PAX9: variants seen among roughly 807,000 people sequenced by gnomAD.
The protein encoded by PAX9 is paired box protein Pax-9.
In PAX9, 6 loss-of-function variants were observed where a neutral mutation model predicts 29.1. That is an observed-to-expected ratio of 0.21 (90% CI 0.11 to 0.41). PAX9 has a LOEUF of 0.41. PAX9 is among the 10% of genes least tolerant of loss of function. PAX9 has a pLI of 1.00. For missense variants in PAX9, 443 were observed against 479.1 expected, an observed-to-expected ratio of 0.92 and a Z score of 0.70; for synonymous variants, 217 against 211.7, an observed-to-expected ratio of 1.03 and a Z score of -0.22.
chr14:36,671,022 A>G lies in PAX9; in HGVS notation c.771+4421A>G. ...AATGACAGAAAAATGAGTTCACCAA[A>G]AAAGAGAAAATCTTGTTTATTTTCA... On this transcript the variant is annotated intron_variant, in intron 3 of 3. Transcript: ENST00000361487. 9.3e-6 allele frequency: 4 copies of G among 428,690 alleles called. 2 individuals are homozygous for G. The highest frequency in any genetic ancestry group is 6.8e-5 in the South Asian group (4 of 58,680). The allele number at this position is 428,690 out of a possible 1,614,324, so 26.6% of individuals were successfully genotyped here.
chr14:36,674,729 C>T (rs890418266), intron 3 of PAX9, among the ~76,000 whole-genome samples: 4 of 152,276 alleles, frequency 2.6e-5, no homozygotes, highest in East Asian at 1.9e-4. Context: ...ACTTAAGAAA[C>T]TTTAGCTTCC....
At chr14:36,670,938 C>A in intron 3 of PAX9, 1 of 265,364 alleles carries the variant, frequency 3.8e-6, no homozygotes, top group East Asian at 1.3e-4. Flanking sequence ...TTATAACCAT[C>A]ATTTCATTTT....
Position 36,662,899 on chromosome 14 carries a change from C to G in PAX9, c.7C>G (p.Pro3Ala). The G allele has an allele frequency of 6.2e-7, 1 of 1,610,900 alleles. No individual in the cohort carries two copies. The highest frequency in any genetic ancestry group is 8.5e-7 in the Non-Finnish European group (1 of 1,178,310). ...CGCGCTGTGTGTTCATTTTGCAGAG[C>G]CAGCCTTCGGGGAGGTGAACCAGCT... MEPAFGEVNQLGG... is the reference protein window; with the variant it reads MEAAFGEVNQLGG... The change falls in exon 2 of 4, where the codon CCA becomes GCA. Residue 3 changes from proline to alanine, a missense_variant and splice_region_variant. Coordinates refer to ENST00000361487, the MANE Select transcript of PAX9 (RefSeq NM_001372076.1).
chr14:36,666,197 C>T (rs1320321317), intron 2 of PAX9: 7 of 516,760 alleles, frequency 1.4e-5, no homozygotes, highest in Non-Finnish European at 2.1e-5. Flanking sequence ...AATCAAAAAC[C>T]GGTTGAAAAA....
At chr14:36,673,147 T>G (rs1329230112) in intron 3 of PAX9, among the ~76,000 whole-genome samples, 3 of 152,046 alleles carry the variant, frequency 2.0e-5, no homozygotes, top group Non-Finnish European at 4.4e-5. Flanking sequence ...ATTACAGGCG[T>G]GAGCCACCGT....
intron 3 of PAX9, among the ~76,000 whole-genome samples, chr14:36,675,032 C>T (rs188499949): frequency 2.0e-4 from 30 of 152,136 alleles, no homozygotes; most frequent in Admixed American, 5.9e-4. Context: ...TGCAATTGAA[C>T]GGGAAAAAGT....
chr14:36,669,631 A>G (rs1881636024), intron 3 of PAX9, among the ~76,000 whole-genome samples: 1 of 152,184 alleles, frequency 6.6e-6, no homozygotes, highest in Non-Finnish European at 1.5e-5. Flanking sequence ...GCAACTGAGT[A>G]TAGATACTAT....
intron 1 of PAX9, 67 bp from the exon 2 acceptor site, chr14:36,662,830 C>T: frequency 6.4e-7 from 1 of 1,567,384 alleles, no homozygotes; most frequent in East Asian, 2.2e-5. Context: ...CGTAGGGAGG[C>T]CCAGTGGCAG....
chr14:36,665,796 T>C (rs76800489), intron 2 of PAX9, among the ~76,000 whole-genome samples: 3,222 of 152,358 alleles, frequency 0.021, 43 homozygotes, highest in Non-Finnish European at 0.033. Flanking sequence ...TTTTAAGTCA[T>C]ATGCACATAT....
In PAX9 at chr14:36,679,231, G is replaced by T. The variant is rs1232889452; in HGVS notation, c.*2779G>T. The T allele has an allele frequency of 1.0e-6, 1 of 984,000 alleles. No homozygotes were observed. Among genetic ancestry groups the T allele is most frequent in the East Asian group, 1.1e-4 (1 of 8,814 alleles). 61.0% of individuals were successfully genotyped at this position (984,000 alleles called of 1,614,324 possible). Reference sequence around the variant, plus strand: ...TTAATGACCCTTTTATTGAATATTGGACTGAAATATAAATTTTAAAAAACA... The same window carrying T: ...TTAATGACCCTTTTATTGAATATTGTACTGAAATATAAATTTTAAAAAACA... On this transcript the variant is annotated 3_prime_UTR_variant, in exon 4 of 4. Transcript: ENST00000361487.
intron 3 of PAX9, among the ~76,000 whole-genome samples, chr14:36,667,544 A>G (rs573763282): frequency 2.6e-5 from 4 of 152,288 alleles, no homozygotes; most frequent in African/African-American, 9.6e-5. Context: ...TCCTTTTATT[A>G]TTTTGAAGAC....
chr14:36,675,761 G>T (rs1881862513), intron 3 of PAX9, among the ~76,000 whole-genome samples: 1 of 152,112 alleles, frequency 6.6e-6, no homozygotes, highest in Non-Finnish European at 1.5e-5. Flanking sequence ...TACTGAAAAT[G>T]AAAGTTATAC....
chr14:36,659,692 C>T (rs2073240), upstream of PAX9, among the ~76,000 whole-genome samples: 1 of 151,988 alleles, frequency 6.6e-6, no homozygotes, highest in Non-Finnish European at 1.5e-5. Flanking sequence ...CAGCTGAGGC[C>T]ACATGGTCAC....
chr14:36,663,316 T>A lies in PAX9; in HGVS notation c.424T>A (p.Ser142Thr), dbSNP rs1320971893. The A allele has an allele frequency of 6.2e-7, 1 of 1,613,998 alleles. No individual in the cohort carries two copies. The highest frequency in any genetic ancestry group is 8.5e-7 in the Non-Finnish European group (1 of 1,180,030). The stretch of plus-strand genomic sequence containing the variant: ...CTTGGCCCAGCAGGGTCATTACGAC[T>A]CATACAAGCAGCACCAGCCGACGCC... ...GNLAQQGHYD[S>T]YKQHQPTPQP... The change falls in exon 2 of 4, where the codon TCA becomes ACA. Residue 142 changes from serine to threonine, a missense_variant. Transcript: ENST00000361487.
At chr14:36,665,168 A>G (rs931957438) in intron 2 of PAX9, among the ~76,000 whole-genome samples, 26 of 20,700 alleles carry the variant, frequency 1.3e-3, no homozygotes, top group African/African-American at 4.0e-3. Flanking sequence ...AGACATAGTG[A>G]AAAAAAAAAA....
intron 3 of PAX9, among the ~76,000 whole-genome samples, chr14:36,673,031 A>G (rs1881754615): frequency 6.6e-6 from 1 of 151,124 alleles, no homozygotes; most frequent in African/African-American, 2.4e-5. Flanking sequence ...ACACCCGGCT[A>G]ATTTTTGCGT....
intron 2 of PAX9, among the ~76,000 whole-genome samples, chr14:36,664,913 C>A (rs892643146): frequency 4.3e-4 from 66 of 151,950 alleles, no homozygotes; most frequent in African/African-American, 1.5e-3. Flanking sequence ...AGAGAGTTTG[C>A]CCTTGATTTA....
At chr14:36,675,820 A>T (rs879291838) in intron 3 of PAX9, among the ~76,000 whole-genome samples, 3 of 152,198 alleles carry the variant, frequency 2.0e-5, no homozygotes, top group Non-Finnish European at 2.9e-5. Flanking sequence ...AACAAAACCC[A>T]AGTCCCAGGA....
chr14:36,668,323 A>T (rs780425353), intron 3 of PAX9, among the ~76,000 whole-genome samples: 4 of 152,114 alleles, frequency 2.6e-5, no homozygotes, highest in Non-Finnish European at 5.9e-5. Flanking sequence ...TAATTCCCAC[A>T]TGTCATTGAT....
Sources: allele counts gnomAD v4.1 joint callset (sites outside exome capture counted in the v4.1 genomes callset), GRCh38; gene constraint gnomAD v4.1.1; transcripts MANE v1.5; gene names NCBI Gene and HGNC (gene_info 2026-07-23, HGNC 2026-07-21).